Variants in PALS1 observed in about 807,000 individuals in gnomAD.
PALS1 encodes protein PALS1.
A neutral mutation model predicts 78.9 loss-of-function variants in PALS1; 31 were observed. The ratio of observed to expected loss-of-function variants is 0.39; its 90% CI spans 0.30 to 0.53. The LOEUF (loss-of-function observed/expected upper bound fraction) is 0.53, where lower values mean the gene tolerates loss of function less well. Among genes scored for constraint, PALS1 ranks in the 20% least tolerant of loss-of-function variants. PALS1 has a pLI of 0.67. For missense variants in PALS1, 704 were observed against 826.5 expected (o/e 0.85, Z 1.82); for synonymous variants, 276 against 270.9 (o/e 1.02, Z -0.18).
In PALS1 at chr14:67,301,996, G is replaced by A; in HGVS notation, c.679G>A (p.Val227Ile). 2 of 1,606,008 alleles carry A rather than the reference G, an allele frequency of 1.2e-6. No homozygotes were observed. The highest frequency in any genetic ancestry group is 4.5e-5 in the East Asian group (2 of 44,404). The change falls in exon 6 of 15, where the codon GTT (valine) becomes ATT (isoleucine). Residue 227 changes from valine to isoleucine, a missense_variant. Physicochemically the swap from Val to Ile is conservative, Grantham distance 29. Coordinates refer to ENST00000261681, the MANE Select transcript of PALS1 (RefSeq NM_022474.4). ...IQALLLAHDK[V>I]AEQEMQLEPI... ...GGCACTTTTACTGGCCCACGATAAG[G>A]TTGCTGAGCAGGAAATGCAGCTAGA...
intron 1 of PALS1, among the ~76,000 whole-genome samples, chr14:67,247,804 C>T (rs1485263720): frequency 6.6e-6 from 1 of 152,074 alleles, no homozygotes; most frequent in African/African-American, 2.4e-5. Context: ...GTCTCAAATT[C>T]CTGGGCTCAA....
Position 67,332,877 on chromosome 14 carries a change from A to G in PALS1, c.1949A>G (p.Lys650Arg). The change falls in exon 15 of 15, where the codon AAA becomes AGA. Residue 650 changes from lysine to arginine, a missense_variant. Lys to Arg is a conservative substitution (Grantham distance 26). Transcript: ENST00000261681. The part of the protein sequence containing the change: ...DTAIVNSDLD[K>R]AYQELLRLIN... Reference sequence around the variant, plus strand: ...GCAATTGTGAATTCCGATCTTGATAAAGCCTATCAGGAATTGCTTAGGTTA... The same window carrying G: ...GCAATTGTGAATTCCGATCTTGATAGAGCCTATCAGGAATTGCTTAGGTTA... The G allele has an allele frequency of 6.2e-7, 1 of 1,613,988 alleles. No homozygotes were observed. Among genetic ancestry groups the G allele is most frequent in the Non-Finnish European group, 8.5e-7 (1 of 1,179,882 alleles).
rs1301956325 is a variant in PALS1 at position 67,321,160 on chromosome 14, G to A, written c.1641G>A (p.Glu547=). The A allele has an allele frequency of 6.2e-7, 1 of 1,614,062 alleles. No homozygotes were observed. The highest frequency in any genetic ancestry group is 8.5e-7 in the Non-Finnish European group (1 of 1,180,026). The change falls in exon 13 of 15, where the codon GAG becomes GAA. Residue 547 remains glutamate, a synonymous_variant. Coordinates refer to ENST00000261681, the MANE Select transcript of PALS1 (RefSeq NM_022474.4). The stretch of plus-strand genomic sequence containing the variant: ...ACATAGCAGCTGGAAAGTTCATTGA[G>A]CATGGTGAATTTGAGAAGAATTTGT... The part of the protein sequence containing the change: ...EADIAAGKFI[E]HGEFEKNLYG...
intron 12 of PALS1, 148 bp from the exon 13 acceptor site, chr14:67,320,907 CAA>C: frequency 3.1e-6 from 2 of 655,494 alleles, no homozygotes; most frequent in South Asian, 4.1e-5. Context: ...AAAATAAAAA[CAA>C]TGTTAAACAT....
intron 14 of PALS1, among the ~76,000 whole-genome samples, chr14:67,324,831 T>C (rs1422637840): frequency 6.6e-6 from 1 of 151,644 alleles, no homozygotes; most frequent in Non-Finnish European, 1.5e-5. Context: ...GAAACCCTCC[T>C]TCCTGCCTCA....
chr14:67,262,836 ATATT>A (rs1299758531), intron 1 of PALS1, among the ~76,000 whole-genome samples: 7 of 152,132 alleles, frequency 4.6e-5, no homozygotes, highest in African/African-American at 1.7e-4. Flanking sequence ...TAGGCCATAT[ATATT>A]CTTCATTATT....
At position 67,312,701 on chromosome 14, in the gene PALS1, C is replaced by T; in HGVS notation, c.1216C>T (p.Leu406Phe). The T allele has an allele frequency of 3.1e-6, 5 of 1,605,736 alleles. No homozygotes were observed. Among genetic ancestry groups the T allele is most frequent in the Non-Finnish European group, 4.3e-6 (5 of 1,175,644 alleles). Reference protein sequence around the residue: ...GDEDNQPLAGLVPGKSFQQQR... With the variant: ...GDEDNQPLAGFVPGKSFQQQR... ...CGAAGATAATCAACCTCTAGCCGGG[C>T]TTGTTCCAGGTAAGACACAATATGG... is the stretch of plus-strand genomic sequence containing the variant. Residue 406 changes from leucine (L) to phenylalanine (F), a missense_variant, in exon 9 of 15, where the codon CTT becomes TTT. Transcript: ENST00000261681.
At chr14:67,331,335 C>G (rs982923833) in intron 14 of PALS1, among the ~76,000 whole-genome samples, 4 of 152,144 alleles carry the variant, frequency 2.6e-5, no homozygotes, top group African/African-American at 9.7e-5. Flanking sequence ...GGGGGAGCCC[C>G]TGCGCTGGTA....
At chr14:67,329,877 AATAG>A (rs1233815201) in intron 14 of PALS1, among the ~76,000 whole-genome samples, 1,716 of 86,850 alleles carry the variant, frequency 0.02, 21 homozygotes, top group South Asian at 0.018. Flanking sequence ...TAAATAAATA[AATAG>A]ATATAGAAAC....
chr14:67,313,698 T>C lies in PALS1; in HGVS notation c.1225+988T>C, dbSNP rs550876438. Among the ~76,000 whole-genome samples the C allele has an allele frequency of 5.9e-5, 9 of 152,300 alleles. No individual in the cohort carries two copies. The South Asian group carries it at 1.7e-3, about 28-fold the overall frequency. On this transcript the variant is annotated intron_variant, in intron 9 of 14. Transcript: ENST00000261681. The stretch of plus-strand genomic sequence containing the variant: ...AATAAATGCTGTTATGTCTGCACCA[T>C]GTAAAGCACTTTGCCTGGTGCTGAG...
At chr14:67,310,433 A>G (rs1163205852) in intron 8 of PALS1, among the ~76,000 whole-genome samples, 3 of 152,130 alleles carry the variant, frequency 2.0e-5, no homozygotes, top group Non-Finnish European at 4.4e-5. Context: ...AGAAATCAGG[A>G]TGATGTTTAT....
intron 3 of PALS1, among the ~76,000 whole-genome samples, chr14:67,288,739 AT>A (rs1310682716): frequency 2.0e-5 from 3 of 152,086 alleles, no homozygotes; most frequent in Non-Finnish European, 4.4e-5. Context: ...GGAATCTGAC[AT>A]TTTATATTCT....
rs559427055 is a variant in PALS1 at position 67,301,253 on chromosome 14, A to C, written c.577-136A>C. ...TAATAACAAGATTGAAAACTCTAATAATTCTTTTTAGTGATTTTATTTCTT... is the reference window on the plus strand; with the variant it reads ...TAATAACAAGATTGAAAACTCTAATCATTCTTTTTAGTGATTTTATTTCTT... On this transcript the variant is annotated intron_variant, in intron 4 of 14. Coordinates refer to ENST00000261681, the MANE Select transcript of PALS1 (RefSeq NM_022474.4). The C allele has an allele frequency of 1.0e-3, 491 of 484,904 alleles. 1 individual carries two copies. Among genetic ancestry groups the C allele is most frequent in the Middle Eastern group, 6.3e-3 (11 of 1,760 alleles). The allele number at this position is 484,904 out of a possible 1,614,324, so 30.0% of individuals were successfully genotyped here.
chr14:67,259,116 T>A (rs2084190870), intron 1 of PALS1, among the ~76,000 whole-genome samples: 1 of 151,854 alleles, frequency 6.6e-6, no homozygotes, highest in Admixed American at 6.6e-5. Context: ...GTGCTGGGAT[T>A]ACAGATGTGA....
intron 1 of PALS1, among the ~76,000 whole-genome samples, chr14:67,254,718 C>T (rs2084118875): frequency 6.6e-6 from 1 of 152,086 alleles, no homozygotes; most frequent in Non-Finnish European, 1.5e-5. Context: ...GCAAACTATC[C>T]CCCCACCTGC....
chr14:67,278,942 T>G, intron 2 of PALS1, 76 bp from the exon 3 acceptor site: 1 of 383,916 alleles, frequency 2.6e-6, no homozygotes, highest in Non-Finnish European at 4.6e-6. Context: ...TGTATGGTGA[T>G]TAGAAGTGGG....
chr14:67,324,990 C>T (rs1160595552), intron 14 of PALS1, among the ~76,000 whole-genome samples: 6 of 149,224 alleles, frequency 4.0e-5, no homozygotes, highest in South Asian at 2.1e-4. Context: ...CTGCAAGCTC[C>T]GCCTCCCAGG....
rs912689254 is a variant in PALS1 at position 67,251,249 on chromosome 14, G to A, written c.-237+9716G>A. On this transcript the variant is annotated intron_variant, in intron 1 of 14. Transcript: ENST00000261681. ...CTTTACCTAGTGTTTAAAAATGTAC[G>A]TGAGGCTGGCGCAGTGGCTCATGCC... Among the ~76,000 whole-genome samples, 7 of 152,242 alleles carry A rather than the reference G, an allele frequency of 4.6e-5. 1 individual carries two copies. Among genetic ancestry groups the A allele is most frequent in the East Asian group, 3.9e-4 (2 of 5,188 alleles).
chr14:67,243,870 C>G (rs1187011744), intron 1 of PALS1, among the ~76,000 whole-genome samples: 1 of 152,202 alleles, frequency 6.6e-6, no homozygotes, highest in African/African-American at 2.4e-5. Flanking sequence ...GTTATATAGT[C>G]TAACCTCTTC....
Sources: gnomAD v4.1 joint callset for allele counts (sites outside exome capture counted in the v4.1 genomes callset) on GRCh38, gnomAD v4.1.1 for gene constraint, MANE v1.5 for transcripts, NCBI Gene and HGNC (gene_info 2026-07-23, HGNC 2026-07-21) for gene names.